TTC6: variants seen among roughly 807,000 people sequenced by gnomAD.
The protein encoded by TTC6 is tetratricopeptide repeat protein 6.
A neutral mutation model predicts 210.4 loss-of-function variants in TTC6; 172 were observed. The observed-to-expected ratio is 0.82, with a 90% CI of 0.72 to 0.93. The LOEUF (loss-of-function observed/expected upper bound fraction) is 0.93, where lower values mean the gene tolerates loss of function less well. Ranked by LOEUF, TTC6 falls within the 40% of genes least tolerant of loss-of-function variation. The pLI is 0.00. For missense variants in TTC6, 2,414 were observed against 2,318.1 expected (o/e 1.04, Z -0.85); for synonymous variants, 804 against 819.6 (o/e 0.98, Z 0.32).
At chr14:37,642,389 G>A (rs923978757) in intron 1 of TTC6, among the ~76,000 whole-genome samples, 1 of 152,124 alleles carries the variant, frequency 6.6e-6, no homozygotes, top group African/African-American at 2.4e-5. Context: ...TTTGCAATTG[G>A]TTATATGGTC....
chr14:37,734,735 G>A (rs889712069), intron 7 of TTC6, among the ~76,000 whole-genome samples: 1 of 151,982 alleles, frequency 6.6e-6, no homozygotes, highest in African/African-American at 2.4e-5. Flanking sequence ...TATCATATAA[G>A]TAACACTGTA....
chr14:37,785,797 A>C (rs2139294949), intron 14 of TTC6, among the ~76,000 whole-genome samples: 1 of 152,154 alleles, frequency 6.6e-6, no homozygotes, highest in Non-Finnish European at 1.5e-5. Context: ...CATACAGATG[A>C]GGTTTTGGTG....
chr14:37,753,576 A>C (rs2095958650), intron 14 of TTC6, among the ~76,000 whole-genome samples: 1 of 152,054 alleles, frequency 6.6e-6, no homozygotes, highest in African/African-American at 2.4e-5. Flanking sequence ...TCTTTTGTTT[A>C]CTTATTTATA....
chr14:37,842,165 G>T, exon 31 of TTC6: 1 of 1,558,796 alleles, frequency 6.4e-7, no homozygotes, highest in Non-Finnish European at 8.6e-7. Context: ...CCCTGTCTTT[G>T]AAGCCTAATG....
chr14:37,727,028 T>A (rs2138850316), intron 7 of TTC6, among the ~76,000 whole-genome samples: 1 of 152,012 alleles, frequency 6.6e-6, no homozygotes. Flanking sequence ...CCTATGTTTG[T>A]CAGACTAGTA....
exon 27 of TTC6, chr14:37,823,807 T>C (rs558420093): frequency 6.2e-7 from 1 of 1,614,080 alleles, no homozygotes; most frequent in Non-Finnish European, 8.5e-7. Context: ...TTAACCCATG[T>C]TTTCTGGATG....
upstream of TTC6, among the ~76,000 whole-genome samples, chr14:37,617,065 A>C (rs535821254): frequency 6.6e-6 from 1 of 152,076 alleles, no homozygotes; most frequent in Non-Finnish European, 1.5e-5. Flanking sequence ...TTGTAGAGAC[A>C]GGGTCTCCTT....
rs1162935992 is a variant in TTC6, at chr14:37,724,985, CTA to C, written c.1805_1806del (p.Tyr602SerfsTer4). On this transcript the variant is annotated frameshift_variant, in exon 7 of 31. Coordinates refer to ENST00000553443, the Ensembl canonical transcript of TTC6. LOFTEE classifies it high-confidence loss of function. Reference sequence around the variant, plus strand: ...TCCAGAATCTGTCATGAAGGAAACTCTATATCCAAAATATGAGGTAACATACC... The same window carrying C: ...TCCAGAATCTGTCATGAAGGAAACTCTATCCAAAATATGAGGTAACATACC... 1 of 1,517,820 alleles carries C rather than the reference CTA, an allele frequency of 6.6e-7. No homozygotes were observed. The highest frequency in any genetic ancestry group is 8.8e-7 in the Non-Finnish European group (1 of 1,134,984). The allele number at this position is 1,517,820 out of a possible 1,614,324, so 94.0% of individuals were successfully genotyped here.
intron 4 of TTC6, among the ~76,000 whole-genome samples, chr14:37,697,244 T>G (rs182420694): frequency 6.6e-6 from 1 of 152,256 alleles, no homozygotes; most frequent in East Asian, 1.9e-4. Flanking sequence ...AGCCATCTGC[T>G]TGGTAATTTA....
intron 14 of TTC6, among the ~76,000 whole-genome samples, chr14:37,782,928 ATT>A (rs1255290712): frequency 1.3e-5 from 2 of 152,312 alleles, no homozygotes; most frequent in East Asian, 3.9e-4. Flanking sequence ...GCTGGATTAC[ATT>A]TATTGATTCG....
intron 14 of TTC6, among the ~76,000 whole-genome samples, chr14:37,769,534 A>G (rs1416388938): frequency 2.6e-5 from 4 of 151,924 alleles, no homozygotes; most frequent in African/African-American, 4.8e-5. Flanking sequence ...GTCTTGGGAG[A>G]GTGTATGTGT....
intron 5 of TTC6, among the ~76,000 whole-genome samples, chr14:37,705,496 T>G (rs1305068803): frequency 6.6e-6 from 1 of 152,122 alleles, no homozygotes; most frequent in Non-Finnish European, 1.5e-5. Context: ...AAATAAATCA[T>G]ATAGAACAAA....
rs373750525 is a variant in TTC6 at position 37,816,011 on chromosome 14, A to G, written c.4690-1567A>G. On this transcript the variant is annotated intron_variant, in intron 25 of 30. Coordinates refer to ENST00000553443, the Ensembl canonical transcript of TTC6. ...TTCCAAAATTAATGGGAATGTTTGT[A>G]ATAAAGCTCACTTACACTTGTAAGT... 2.6e-5 allele frequency among the ~76,000 whole-genome samples: 4 copies of G among 151,716 alleles called. No individual in the cohort carries two copies. In the East Asian group the frequency reaches 7.8e-4, roughly 29 times the overall value.
chr14:37,749,184 C>T (rs1595193279), exon 11 of TTC6: 1 of 1,533,520 alleles, frequency 6.5e-7, no homozygotes, highest in Non-Finnish European at 8.7e-7. Context: ...CCTGAAGACC[C>T]ACCTGAAAGA....
intron 14 of TTC6, among the ~76,000 whole-genome samples, chr14:37,782,972 T>C (rs1431716179): frequency 2.6e-5 from 4 of 152,346 alleles, no homozygotes; most frequent in South Asian, 2.1e-4. Flanking sequence ...ATCCCAGGGA[T>C]GAAGCCCACT....
chr14:37,722,687 C>G (rs2095864191), intron 6 of TTC6, among the ~76,000 whole-genome samples: 2 of 152,256 alleles, frequency 1.3e-5, no homozygotes, highest in South Asian at 4.1e-4. Flanking sequence ...TGGAGGAAGA[C>G]CACTGAGTTA....
chr14:37,779,612 T>C (rs2096048429), intron 14 of TTC6, among the ~76,000 whole-genome samples: 1 of 152,238 alleles, frequency 6.6e-6, no homozygotes, highest in South Asian at 2.1e-4. Context: ...TTTTTTGTTC[T>C]TTGAAAGTTT....
At chr14:37,722,653 G>T (rs578181619) in intron 6 of TTC6, among the ~76,000 whole-genome samples, 1 of 152,162 alleles carries the variant, frequency 6.6e-6, no homozygotes, top group Non-Finnish European at 1.5e-5. Context: ...ATGTTTCTCT[G>T]ATTTGATTCG....
chr14:37,820,035 G>A lies in TTC6; in HGVS notation c.4763+2384G>A, dbSNP rs118004822. Among the ~76,000 whole-genome samples, 6 of 152,244 alleles carry A rather than the reference G, an allele frequency of 3.9e-5. No individual in the cohort carries two copies. In the East Asian group the frequency reaches 7.7e-4, roughly 20 times the overall value. On this transcript the variant is annotated intron_variant, in intron 26 of 30. Coordinates refer to ENST00000553443, the Ensembl canonical transcript of TTC6. Reference sequence around the variant, plus strand: ...CTTAACAATTTATATCTCATTGAACGTGTAACCTGACAAGAACGTAGATAT... The same window carrying A: ...CTTAACAATTTATATCTCATTGAACATGTAACCTGACAAGAACGTAGATAT...
Sources: gnomAD v4.1 joint callset for allele counts (sites outside exome capture counted in the v4.1 genomes callset) on GRCh38, gnomAD v4.1.1 for gene constraint, MANE v1.5 for transcripts, NCBI Gene and HGNC (gene_info 2026-07-23, HGNC 2026-07-21) for gene names.